Variants in GPC3 observed in about 807,000 individuals in gnomAD.
GPC3 encodes the protein glypican-3.
Under a neutral mutation model 34.4 loss-of-function variants are expected in GPC3, and 3 were observed. That is an observed-to-expected ratio of 0.09 (90% CI 0.04 to 0.23). GPC3 has a LOEUF of 0.23. GPC3 is among the 10% of genes least tolerant of loss of function. The pLI is 1.00. For missense variants in GPC3, 351 were observed against 445.6 expected (o/e 0.79, Z 1.91); for synonymous variants, 177 against 174.0 (o/e 1.02, Z -0.13).
At chrX:133,647,373 G>A (rs1457977497) in intron 6 of GPC3, among the ~76,000 whole-genome samples, 1 of 112,382 alleles carries the variant, frequency 8.9e-6, no homozygotes, top group Non-Finnish European at 1.9e-5. Context: ...GACCAGCAAG[G>A]GCACAGGGGT....
At chrX:133,793,786 T>G (rs1218043789) in intron 2 of GPC3, among the ~76,000 whole-genome samples, 1 of 111,914 alleles carries the variant, frequency 8.9e-6, no homozygotes, top group Non-Finnish European at 1.9e-5. Flanking sequence ...TTTGATGAAT[T>G]AAAGTGTTCA....
At chrX:133,562,945 C>T (rs764988180) in intron 7 of GPC3, among the ~76,000 whole-genome samples, 130 of 111,350 alleles carry the variant, frequency 1.2e-3, no homozygotes, top group African/African-American at 4.1e-3. Context: ...TCACTGCCTT[C>T]ACAGGATGGT....
rs61628394 is a variant in GPC3 at position 133,976,966 on chromosome X, T to TAAATAAAA, written c.175+8308_175+8309insTTTTATTT. The stretch of plus-strand genomic sequence containing the variant: ...ATAAATAAATAAATAAATAAATAAA[T>TAAATAAAA]GAGGGGCAACAAGGCTCCCAGGGCC... On this transcript the variant is annotated intron_variant, in intron 1 of 7. Transcript: ENST00000370818. Among the ~76,000 whole-genome samples, 361 of 109,018 alleles carry TAAATAAAA rather than the reference T, an allele frequency of 3.3e-3. 1 individual carries two copies. The highest frequency in any genetic ancestry group is 0.011 in the East Asian group (37 of 3,506). The allele number at this position is 109,018 out of a possible 115,157, so 94.7% of individuals were successfully genotyped here. A position where few individuals can be genotyped will look rare whatever the true frequency, so the allele number is the denominator to read the frequency against.
intron 5 of GPC3, among the ~76,000 whole-genome samples, chrX:133,686,907 TTTC>T (rs2071010499): frequency 9.4e-6 from 1 of 106,310 alleles, no homozygotes; most frequent in Non-Finnish European, 1.9e-5. Context: ...TGGGGTTGAT[TTTC>T]TTTTTTTGTT....
At chrX:133,889,302 G>A (rs1427542658) in intron 2 of GPC3, among the ~76,000 whole-genome samples, 1 of 112,290 alleles carries the variant, frequency 8.9e-6, no homozygotes, top group African/African-American at 3.2e-5. Context: ...TGCAGTTTAG[G>A]AAATGTCAAA....
chrX:133,948,771 A>G (rs59573896), intron 2 of GPC3, among the ~76,000 whole-genome samples: 2,916 of 111,712 alleles, frequency 0.026, 38 homozygotes, highest in East Asian at 0.1. Flanking sequence ...CCCCTTTCCC[A>G]AAGAGTCTTT....
chrX:133,710,284 C>A (rs1234599836), intron 3 of GPC3, among the ~76,000 whole-genome samples: 2 of 111,858 alleles, frequency 1.8e-5, no homozygotes, highest in African/African-American at 3.2e-5. Context: ...ACCTGGGGCC[C>A]AGTGTCAGTT....
intron 1 of GPC3, among the ~76,000 whole-genome samples, chrX:133,967,775 C>T (rs1461802995): frequency 9.0e-6 from 1 of 111,639 alleles, no homozygotes; most frequent in East Asian, 2.8e-4. Flanking sequence ...ATTACAGGTG[C>T]ACAGCACCCT....
At chrX:133,664,068 TG>T (rs1199153286) in intron 5 of GPC3, among the ~76,000 whole-genome samples, 1 of 112,317 alleles carries the variant, frequency 8.9e-6, no homozygotes, top group South Asian at 3.7e-4. Flanking sequence ...TAGTATATTT[TG>T]CTTAAAGTGA....
chrX:133,780,103 C>G (rs935119714), intron 2 of GPC3, among the ~76,000 whole-genome samples: 4 of 111,403 alleles, frequency 3.6e-5, no homozygotes, highest in African/African-American at 1.3e-4. Flanking sequence ...GACCTAGACG[C>G]CATGCTAGGA....
At chrX:133,697,063 GGGA>G (rs1400793065) in intron 4 of GPC3, among the ~76,000 whole-genome samples, 1 of 112,340 alleles carries the variant, frequency 8.9e-6, no homozygotes, top group East Asian at 2.8e-4. Context: ...TTGGTTGCAG[GGGA>G]GGAGATTGCC....
At chrX:133,783,176 C>G (rs752818768) in intron 2 of GPC3, among the ~76,000 whole-genome samples, 3 of 111,178 alleles carry the variant, frequency 2.7e-5, no homozygotes, top group Non-Finnish European at 5.7e-5. Context: ...ACTACCTCCC[C>G]ATCCCTGATC....
In GPC3 at chrX:133,637,167, T is replaced by C. The variant is rs971820715; in HGVS notation, c.1413+24563A>G. On this transcript the variant is annotated intron_variant, in intron 6 of 7. Transcript: ENST00000370818. ...GATGAAAATCAAGTGGGAAGAATGATGCTTTAAAAGGCAGCAGATGTGCGG... is the reference window on the plus strand; with the variant it reads ...GATGAAAATCAAGTGGGAAGAATGACGCTTTAAAAGGCAGCAGATGTGCGG... Among the ~76,000 whole-genome samples, 7 of 111,892 alleles carry C rather than the reference T, an allele frequency of 6.3e-5. 1 individual carries two copies. The highest frequency in any genetic ancestry group is 9.5e-5 in the Admixed American group (1 of 10,544).
At chrX:133,843,677 A>T (rs919021078) in intron 2 of GPC3, among the ~76,000 whole-genome samples, 3 of 111,625 alleles carry the variant, frequency 2.7e-5, no homozygotes, top group Admixed American at 9.5e-5. Context: ...ACCATGAGAG[A>T]TAATAAATTA....
intron 2 of GPC3, among the ~76,000 whole-genome samples, chrX:133,862,303 AG>A (rs1268053908): frequency 2.7e-5 from 3 of 110,675 alleles, no homozygotes; most frequent in Non-Finnish European, 5.7e-5. Flanking sequence ...CACATAACAA[AG>A]GTAAAACAGG....
At chrX:133,923,019 T>G (rs1010581831) in intron 2 of GPC3, among the ~76,000 whole-genome samples, 1 of 110,942 alleles carries the variant, frequency 9.0e-6, no homozygotes, top group African/African-American at 3.3e-5. Context: ...GAGCCAGGAT[T>G]TGAACCCAAA....
In GPC3 at chrX:133,914,944, A is replaced by AATATATATATATAT. The variant is rs35086661; in HGVS notation, c.337+38092_337+38105dup. ...TTATGTATTTTTTCATCAAACTGGA[A>AATATATATATATAT]ATATATATATATATATATATATATA... On this transcript the variant is annotated intron_variant, in intron 2 of 7. Transcript: ENST00000370818. 4.2e-3 allele frequency among the ~76,000 whole-genome samples: 210 copies of AATATATATATATAT among 49,902 alleles called. 6 individuals carry two copies. The highest frequency in any genetic ancestry group is 0.013 in the African/African-American group (127 of 10,027). 43.3% of individuals were successfully genotyped at this position (49,902 alleles called of 115,157 possible).
chrX:133,610,564 T>C (rs1317070251), intron 6 of GPC3, among the ~76,000 whole-genome samples: 3 of 108,199 alleles, frequency 2.8e-5, no homozygotes, highest in Non-Finnish European at 3.8e-5. Flanking sequence ...CCCCATAACA[T>C]TTAACCCCCT....
chrX:133,666,868 A>C (rs1191472742), intron 5 of GPC3, among the ~76,000 whole-genome samples: 2 of 112,260 alleles, frequency 1.8e-5, no homozygotes, highest in African/African-American at 6.5e-5. Context: ...TTTTAGATGG[A>C]TATATAAGAA....
Sources: allele counts gnomAD v4.1 joint callset (sites outside exome capture counted in the v4.1 genomes callset), GRCh38; gene constraint gnomAD v4.1.1; transcripts MANE v1.5; gene names NCBI Gene and HGNC (gene_info 2026-07-23, HGNC 2026-07-21).